The following WDPCP variants were observed in gnomAD, a reference collection of about 807,000 sequenced individuals.
WDPCP encodes the protein WD repeat containing planar cell polarity effector, also known as WD repeat-containing and planar cell polarity effector protein fritz homolog.
In WDPCP, 71 loss-of-function variants were observed where a neutral mutation model predicts 93.1. The observed-to-expected ratio is 0.76, with a 90% CI of 0.63 to 0.93. The LOEUF is 0.93. Ranked by LOEUF, WDPCP falls within the 40% of genes least tolerant of loss-of-function variation. The probability of loss-of-function intolerance (pLI) is 0.00; values close to 1 mark genes in which losing one functional copy is unlikely to be tolerated. For missense variants in WDPCP, 844 were observed against 887.4 expected (o/e 0.95, Z 0.62); for synonymous variants, 315 against 315.0 (o/e 1.00, Z 0.00).
chr2:63,548,164 A>T (rs1459651656), intron 1 of WDPCP, among the ~76,000 whole-genome samples: 1 of 152,160 alleles, frequency 6.6e-6, no homozygotes, highest in South Asian at 2.1e-4. Context: ...TAAGTATTAC[A>T]TAATACTTAT....
At chr2:63,569,668 C>A (rs900027108) in intron 1 of WDPCP, among the ~76,000 whole-genome samples, 1 of 152,172 alleles carries the variant, frequency 6.6e-6, no homozygotes, top group Non-Finnish European at 1.5e-5. Flanking sequence ...CTCACGTGGG[C>A]AAGGGCTCAG....
intron 2 of WDPCP, among the ~76,000 whole-genome samples, chr2:63,688,641 T>C (rs762699746): frequency 2.2e-4 from 34 of 152,274 alleles, no homozygotes; most frequent in Non-Finnish European, 4.0e-4. Flanking sequence ...ATTGGATTGT[T>C]TGTAACACAA....
chr2:63,326,377 G>A (rs1181449427), intron 12 of WDPCP, among the ~76,000 whole-genome samples: 1 of 152,144 alleles, frequency 6.6e-6, no homozygotes, highest in Non-Finnish European at 1.5e-5. Flanking sequence ...GGGATGCAAA[G>A]GGCAGGTTAT....
intron 12 of WDPCP, among the ~76,000 whole-genome samples, chr2:63,350,906 TAATAA>T (rs1172139249): frequency 3.3e-5 from 5 of 152,062 alleles, no homozygotes; most frequent in Admixed American, 6.5e-5. Context: ...TCTAATTAAA[TAATAA>T]AATATTTTGA....
intron 12 of WDPCP, among the ~76,000 whole-genome samples, chr2:63,356,035 C>T: frequency 6.6e-6 from 1 of 152,274 alleles, no homozygotes. Flanking sequence ...AGAGACCCAA[C>T]TCACAGGTAA....
At chr2:63,550,722 T>C (rs1456968772) in intron 1 of WDPCP, among the ~76,000 whole-genome samples, 1 of 151,298 alleles carries the variant, frequency 6.6e-6, no homozygotes, top group East Asian at 1.9e-4. Context: ...TGTGTATATA[T>C]ATACATATAT....
chr2:63,248,284 C>T (rs1680445801), intron 14 of WDPCP, among the ~76,000 whole-genome samples: 1 of 152,138 alleles, frequency 6.6e-6, no homozygotes, highest in Admixed American at 6.6e-5. Context: ...ATTATACCTT[C>T]TGGCCTCCAA....
chr2:63,146,769 TAA>T (rs2103762516), intron 17 of WDPCP, among the ~76,000 whole-genome samples: 2 of 152,224 alleles, frequency 1.3e-5, no homozygotes, highest in African/African-American at 4.8e-5. Context: ...GTATCAAAAA[TAA>T]GATGTTTCAA....
intron 12 of WDPCP, among the ~76,000 whole-genome samples, chr2:63,317,125 C>G (rs1487206031): frequency 6.6e-6 from 1 of 152,068 alleles, no homozygotes; most frequent in Non-Finnish European, 1.5e-5. Context: ...ACTACAGATT[C>G]AATGTTATTC....
Position 63,382,020 on chromosome 2 carries a change from C to T in WDPCP, c.1510G>A (p.Ala504Thr), listed in dbSNP as rs1489723769. The change falls in exon 11 of 18, where the codon GCA (alanine) becomes ACA (threonine). Residue 504 changes from alanine to threonine, a missense_variant. Physicochemically the swap from Ala to Thr is moderately conservative, Grantham distance 58 (BLOSUM62 0). Transcript: ENST00000272321. ...TTCATGCTGCTCAGGATGTTTATTG[C>T]CTCATAGATCTCATCACAGTGAATG... ...QYIHCDEIYE[A>T]INILSSMNWD... 1 of 1,613,432 alleles carries T rather than the reference C, an allele frequency of 6.2e-7. No homozygotes were observed. Among genetic ancestry groups the T allele is most frequent in the Admixed American group, 1.7e-5 (1 of 59,896 alleles).
At chr2:63,587,763 T>C (rs1708967081) in intron 1 of WDPCP, among the ~76,000 whole-genome samples, 1 of 152,240 alleles carries the variant, frequency 6.6e-6, no homozygotes. Context: ...GTGTCTCCCC[T>C]TCAGTCGCCA....
At chr2:63,817,507 T>G (rs552577005) in intron 1 of WDPCP, among the ~76,000 whole-genome samples, 1 of 152,238 alleles carries the variant, frequency 6.6e-6, no homozygotes, top group African/African-American at 2.4e-5. Flanking sequence ...AATTACACAT[T>G]AAGGTAGGGG....
chr2:63,738,044 G>A (rs1044719496), intron 2 of WDPCP, among the ~76,000 whole-genome samples: 17 of 152,098 alleles, frequency 1.1e-4, no homozygotes, highest in African/African-American at 4.1e-4. Context: ...CTGGGTTGGG[G>A]GCCAGATAAC....
intron 2 of WDPCP, among the ~76,000 whole-genome samples, chr2:63,685,675 C>T (rs1436701413): frequency 1.3e-5 from 2 of 152,176 alleles, no homozygotes; most frequent in African/African-American, 2.4e-5. Flanking sequence ...AGGCCAATAT[C>T]TCTGATGAAT....
chr2:63,385,997 T>C (rs988310155), intron 10 of WDPCP, among the ~76,000 whole-genome samples: 2 of 152,034 alleles, frequency 1.3e-5, no homozygotes, highest in African/African-American at 4.8e-5. Context: ...TTCTGACAAT[T>C]GGTGCTGGAA....
At chr2:63,728,541 A>T (rs928381190) in intron 2 of WDPCP, among the ~76,000 whole-genome samples, 13 of 152,226 alleles carry the variant, frequency 8.5e-5, no homozygotes, top group Admixed American at 4.6e-4. Flanking sequence ...GATACTTTTT[A>T]AAAGTAATGT....
At chr2:63,789,402 C>A (rs1422761644) in intron 2 of WDPCP, among the ~76,000 whole-genome samples, 1 of 152,124 alleles carries the variant, frequency 6.6e-6, no homozygotes, top group Non-Finnish European at 1.5e-5. Context: ...CAGAACCTGG[C>A]AAATTAGGTA....
chr2:63,212,386 G>A (rs1676899014), intron 14 of WDPCP, among the ~76,000 whole-genome samples: 2 of 152,130 alleles, frequency 1.3e-5, no homozygotes, highest in African/African-American at 4.8e-5. Flanking sequence ...AAGTGCAGGA[G>A]AAATAAAATC....
At chr2:63,823,608 TTCTC>T (rs1348623712) in intron 1 of WDPCP, among the ~76,000 whole-genome samples, 14 of 152,188 alleles carry the variant, frequency 9.2e-5, no homozygotes, top group Admixed American at 3.9e-4. Flanking sequence ...GTTGTTTGTT[TTCTC>T]TCTGTCTCTT....
Sources: allele counts gnomAD v4.1 joint callset (sites outside exome capture counted in the v4.1 genomes callset), GRCh38; gene constraint gnomAD v4.1.1; transcripts MANE v1.5; gene names NCBI Gene and HGNC (gene_info 2026-07-23, HGNC 2026-07-21).